The following CDKL3 variants were observed in gnomAD, a reference collection of about 807,000 sequenced individuals.
CDKL3 encodes the protein cyclin-dependent kinase-like 3.
Under a neutral mutation model 69.3 loss-of-function variants are expected in CDKL3, and 65 were observed. That is an observed-to-expected ratio of 0.94 (90% confidence interval 0.77 to 1.15). CDKL3 has a LOEUF of 1.15. CDKL3 is among the 50% of genes most tolerant of loss of function. The pLI is 0.00. For synonymous variants in CDKL3, 202 were observed against 221.6 expected, an observed-to-expected ratio of 0.91 and a Z score of 0.79; for missense variants, 652 against 689.2, an observed-to-expected ratio of 0.95 and a Z score of 0.61.
chr5:134,288,385 A>C (rs1471287625), intron 8 of CDKL3, among the ~76,000 whole-genome samples: 1 of 152,226 alleles, frequency 6.6e-6, no homozygotes, highest in Admixed American at 6.5e-5. Flanking sequence ...ATTTTCTTCC[A>C]AACCACAATA....
intron 8 of CDKL3, among the ~76,000 whole-genome samples, chr5:134,291,491 C>T (rs1765121331): frequency 6.6e-6 from 1 of 152,214 alleles, no homozygotes; most frequent in Non-Finnish European, 1.5e-5. Flanking sequence ...ACTAACCAGG[C>T]TGGGGACAGT....
chr5:134,364,561 G>A (rs1349164821), intron 2 of CDKL3, among the ~76,000 whole-genome samples: 1 of 151,952 alleles, frequency 6.6e-6, no homozygotes, highest in Non-Finnish European at 1.5e-5. Context: ...GCCCAGGCTG[G>A]ACTGCAATAG....
At chr5:134,325,728 A>G (rs1235958122) in intron 4 of CDKL3, among the ~76,000 whole-genome samples, 1 of 151,876 alleles carries the variant, frequency 6.6e-6, no homozygotes, top group Non-Finnish European at 1.5e-5. Flanking sequence ...ATTTAAAAAA[A>G]ACTCTCAAGC....
At chr5:134,303,177 C>T (rs990941885) in intron 11 of CDKL3, among the ~76,000 whole-genome samples, 3 of 151,904 alleles carry the variant, frequency 2.0e-5, no homozygotes, top group African/African-American at 4.8e-5. Context: ...CTGCAACCTC[C>T]GCCTCCCGGT....
At position 134,360,032 on chromosome 5, in the gene CDKL3, A is replaced by C; in HGVS notation, c.225T>G (p.Ile75Met). 1 of 1,554,872 alleles carries C rather than the reference A, an allele frequency of 6.4e-7. No individual in the cohort carries two copies. Among genetic ancestry groups the C allele is most frequent in the Non-Finnish European group, 8.7e-7 (1 of 1,148,560 alleles). The change falls in exon 3 of 13, where the codon ATT (isoleucine) becomes ATG (methionine). Residue 75 changes from isoleucine to methionine, a missense_variant. Physicochemically the swap from Ile to Met is conservative, Grantham distance 10. Coordinates refer to ENST00000265334, the MANE Select transcript of CDKL3 (RefSeq NM_001113575.2). ...LIEVFRQKKKIHLVFEFIDHT... is the reference protein window; with the variant it reads ...LIEVFRQKKKMHLVFEFIDHT... ...GGTCAATAAATTCAAATACCAAATGAATTTTCTTTTTCTGTCTAAAAACTT... is the reference window on the plus strand; with the variant it reads ...GGTCAATAAATTCAAATACCAAATGCATTTTCTTTTTCTGTCTAAAAACTT...
At chr5:134,346,653 C>T (rs763945839) in intron 4 of CDKL3, among the ~76,000 whole-genome samples, 1 of 152,028 alleles carries the variant, frequency 6.6e-6, no homozygotes, top group African/African-American at 2.4e-5. Flanking sequence ...TGCACCACCA[C>T]GCCTGGCTAT....
intron 3 of CDKL3, 105 bp downstream of exon 3, chr5:134,359,792 G>T: frequency 2.5e-6 from 2 of 796,534 alleles, no homozygotes; most frequent in Non-Finnish European, 3.9e-6. Flanking sequence ...TATTATTATT[G>T]TATAGAAAAA....
chr5:134,352,301 ATT>A lies in CDKL3; in HGVS notation c.361-1876_361-1875del, dbSNP rs796539156. Among the ~76,000 whole-genome samples, 96 of 137,424 alleles carry A rather than the reference ATT, an allele frequency of 7.0e-4. 1 individual carries two copies. Among genetic ancestry groups the A allele is most frequent in the African/African-American group, 1.6e-3 (59 of 37,438 alleles). 90.2% of individuals were successfully genotyped at this position (137,424 alleles called of 152,430 possible). Reference sequence around the variant, plus strand: ...TCATCCTTAATGGACACTTAGGTTGATTTTTTTTTTTTTTTTTGAGACAGAGT... The same window carrying A: ...TCATCCTTAATGGACACTTAGGTTGATTTTTTTTTTTTTTTGAGACAGAGT... On this transcript the variant is annotated intron_variant, in intron 3 of 12. Coordinates refer to ENST00000265334, the MANE Select transcript of CDKL3 (RefSeq NM_001113575.2).
At chr5:134,324,005 G>C (rs561363305) in intron 4 of CDKL3, among the ~76,000 whole-genome samples, 1 of 152,048 alleles carries the variant, frequency 6.6e-6, no homozygotes, top group African/African-American at 2.4e-5. Context: ...AATTCAATAA[G>C]AAAATAACCC....
intron 5 of CDKL3, 127 bp from the exon 6 acceptor site, chr5:134,319,624 T>C: frequency 1.1e-6 from 1 of 908,740 alleles, no homozygotes; most frequent in Non-Finnish European, 1.6e-6. Flanking sequence ...AATTATGTAT[T>C]TTAATTTTTT....
In CDKL3 at chr5:134,310,392, G is replaced by A. The variant is rs559707100; in HGVS notation, c.882-1665C>T. 9.9e-5 allele frequency among the ~76,000 whole-genome samples: 15 copies of A among 151,922 alleles called. 1 individual carries two copies. The South Asian group carries it at 1.2e-3, about 13-fold the overall frequency. ...TTTTTAGTAGAGACGGGGTTTCACC[G>A]CGTTAGTCAGGATGGTCTTGATCTC... On this transcript the variant is annotated intron_variant, in intron 7 of 12. Coordinates refer to ENST00000265334, the MANE Select transcript of CDKL3 (RefSeq NM_001113575.2).
At chr5:134,315,872 G>T (rs1214889146) in intron 6 of CDKL3, among the ~76,000 whole-genome samples, 1 of 151,850 alleles carries the variant, frequency 6.6e-6, no homozygotes, top group Non-Finnish European at 1.5e-5. Flanking sequence ...ATATAAATAA[G>T]AAAAATATTT....
chr5:134,332,845 C>A (rs1007431430), intron 4 of CDKL3, among the ~76,000 whole-genome samples: 1 of 152,172 alleles, frequency 6.6e-6, no homozygotes. Flanking sequence ...CCAGTGGTAG[C>A]TTTTTGGGGA....
At chr5:134,361,141 T>C (rs1411639739) in intron 2 of CDKL3, among the ~76,000 whole-genome samples, 1 of 152,242 alleles carries the variant, frequency 6.6e-6, no homozygotes, top group African/African-American at 2.4e-5. Context: ...TGTATGCTAC[T>C]TATTCTATTT....
chr5:134,298,591 A>G lies in CDKL3; in HGVS notation c.*60T>C. The G allele has an allele frequency of 6.3e-7, 1 of 1,591,994 alleles. No homozygotes were observed. The highest frequency in any genetic ancestry group is 8.5e-7 in the Non-Finnish European group (1 of 1,171,628). ...AACTCACATCACACTTCTATTGTAGATAAATAAAACGGGAAGAGTTGTCAT... is the reference window on the plus strand; with the variant it reads ...AACTCACATCACACTTCTATTGTAGGTAAATAAAACGGGAAGAGTTGTCAT... On this transcript the variant is annotated 3_prime_UTR_variant, in exon 13 of 13. Transcript: ENST00000265334.
chr5:134,346,822 G>A (rs747363854), intron 4 of CDKL3, among the ~76,000 whole-genome samples: 1 of 152,038 alleles, frequency 6.6e-6, no homozygotes, highest in Non-Finnish European at 1.5e-5. Context: ...TTTTTGCCCC[G>A]ATAATTGCAA....
At chr5:134,322,259 G>A (rs1182104758) in intron 4 of CDKL3, among the ~76,000 whole-genome samples, 7 of 152,196 alleles carry the variant, frequency 4.6e-5, no homozygotes, top group South Asian at 4.2e-4. Context: ...TGATCTGCCC[G>A]CCTCAGCCTC....
At chr5:134,317,192 G>GCC (rs1282286698) in intron 6 of CDKL3, among the ~76,000 whole-genome samples, 4 of 152,138 alleles carry the variant, frequency 2.6e-5, no homozygotes. Context: ...CTGGAGTGCA[G>GCC]TGGTGCGATC....
chr5:134,366,684 T>A, intron 1 of CDKL3, 140 bp from the exon 2 acceptor site: 1 of 693,994 alleles, frequency 1.4e-6, no homozygotes, highest in Non-Finnish European at 2.2e-6. Context: ...TCTTTTCCAC[T>A]GAGCCTTTTT....
Sources: gnomAD v4.1 joint callset for allele counts (sites outside exome capture counted in the v4.1 genomes callset) on GRCh38, gnomAD v4.1.1 for gene constraint, MANE v1.5 for transcripts, NCBI Gene and HGNC (gene_info 2026-07-23, HGNC 2026-07-21) for gene names.